Variants in LURAP1L observed in about 807,000 individuals in gnomAD.
The protein encoded by LURAP1L is leucine rich adaptor protein 1 like.
Under a neutral mutation model 13.8 loss-of-function variants are expected in LURAP1L, and 12 were observed. That is an observed-to-expected ratio of 0.87 (90% CI 0.56 to 1.41). The LOEUF (loss-of-function observed/expected upper bound fraction) is 1.41. Ranked by LOEUF, LURAP1L falls within the 40% of genes most tolerant of loss-of-function variation. The pLI is 0.00. For synonymous variants in LURAP1L, 139 were observed against 119.2 expected, an observed-to-expected ratio of 1.17 and a Z score of -1.08; for missense variants, 375 against 292.9, an observed-to-expected ratio of 1.28 and a Z score of -2.04.
chr9:12,803,747 C>T (rs1819618600), intron 1 of LURAP1L, among the ~76,000 whole-genome samples: 1 of 152,154 alleles, frequency 6.6e-6, no homozygotes, highest in Non-Finnish European at 1.5e-5. Context: ...AGATCAAACA[C>T]TTTAATTGTT....
chr9:12,800,093 T>G (rs1394078405), intron 1 of LURAP1L, among the ~76,000 whole-genome samples: 1 of 152,112 alleles, frequency 6.6e-6, no homozygotes, highest in African/African-American at 2.4e-5. Context: ...ACAATATTAT[T>G]AACTATAGTC....
At position 12,821,424 on chromosome 9, in the gene LURAP1L, G is replaced by A. The variant is rs752722853; in HGVS notation, c.351G>A (p.Gln117=). ...LRATDVRLMR[Q]LLVINESIES... is the part of the protein sequence containing the mutation. ...CCACAGACGTCAGGCTCATGCGCCAGTTGCTTGTAATCAATGAGAGCATCG... is the reference window on the plus strand; with the variant it reads ...CCACAGACGTCAGGCTCATGCGCCAATTGCTTGTAATCAATGAGAGCATCG... The change falls in exon 2 of 2, where the codon CAG becomes CAA. Residue 117 remains glutamine, a synonymous_variant. Coordinates refer to ENST00000319264, the MANE Select transcript of LURAP1L (RefSeq NM_203403.2). 1 of 1,614,142 alleles carries A rather than the reference G, an allele frequency of 6.2e-7. No individual in the cohort carries two copies. The highest frequency in any genetic ancestry group is 8.5e-7 in the Non-Finnish European group (1 of 1,180,012).
chr9:12,821,316 C>A lies in LURAP1L; in HGVS notation c.313-70C>A. ...AAATTCTGAACTGCAGCAGACAGTC[C>A]CCAGATGAATTTGAGGCCTTTCGAG... On this transcript the variant is annotated intron_variant, in intron 1 of 1. Coordinates refer to ENST00000319264, the MANE Select transcript of LURAP1L (RefSeq NM_203403.2). 2.0e-6 allele frequency: 3 copies of A among 1,501,634 alleles called. No individual in the cohort carries two copies. The South Asian group carries it at 3.9e-5, about 19-fold the overall frequency. The allele number at this position is 1,501,634 out of a possible 1,614,324, so 93.0% of individuals were successfully genotyped here. A position where few individuals can be genotyped will look rare whatever the true frequency, so the allele number is the denominator to read the frequency against.
chr9:12,820,480 A>G lies in LURAP1L; in HGVS notation c.313-906A>G, dbSNP rs539749546. ...ATTCCGCCACTGCACTCCAGCCTGG[A>G]CGACAGATCGAGACTCCGTCCCCCC... On this transcript the variant is annotated intron_variant, in intron 1 of 1. Coordinates refer to ENST00000319264, the MANE Select transcript of LURAP1L (RefSeq NM_203403.2). 1.4e-4 allele frequency among the ~76,000 whole-genome samples: 18 copies of G among 126,286 alleles called. 1 individual carries two copies. Among genetic ancestry groups the G allele is most frequent in the East Asian group, 1.3e-3 (5 of 3,926 alleles). 82.8% of individuals were successfully genotyped at this position (126,286 alleles called of 152,430 possible). A position where few individuals can be genotyped will look rare whatever the true frequency, so the allele number is the denominator to read the frequency against.
At chr9:12,810,514 C>G (rs1017513845) in intron 1 of LURAP1L, among the ~76,000 whole-genome samples, 1 of 152,114 alleles carries the variant, frequency 6.6e-6, no homozygotes, top group African/African-American at 2.4e-5. Context: ...TAGCCCTTCA[C>G]ATATCAGACT....
intron 1 of LURAP1L, among the ~76,000 whole-genome samples, chr9:12,779,722 T>C (rs1563885296): frequency 6.6e-6 from 1 of 152,204 alleles, no homozygotes; most frequent in African/African-American, 2.4e-5. Flanking sequence ...CTGTCACTTC[T>C]TACACTTTAG....
chr9:12,808,338 A>G (rs1375474686), intron 1 of LURAP1L, among the ~76,000 whole-genome samples: 4 of 152,102 alleles, frequency 2.6e-5, no homozygotes, highest in Non-Finnish European at 5.9e-5. Flanking sequence ...AATTGTGGCA[A>G]AATATATATA....
intron 1 of LURAP1L, among the ~76,000 whole-genome samples, chr9:12,800,834 C>A (rs947686020): frequency 4.6e-5 from 7 of 152,044 alleles, no homozygotes; most frequent in African/African-American, 1.7e-4. Flanking sequence ...AATAAATTAC[C>A]CCGTCTCAGG....
intron 1 of LURAP1L, among the ~76,000 whole-genome samples, chr9:12,776,600 T>A (rs1039622634): frequency 1.3e-5 from 2 of 152,076 alleles, no homozygotes; most frequent in African/African-American, 4.8e-5. Context: ...GTCGAGCAGA[T>A]TCTCCACAGC....
chr9:12,792,474 A>C (rs1191717049), intron 1 of LURAP1L, among the ~76,000 whole-genome samples: 1 of 152,156 alleles, frequency 6.6e-6, no homozygotes, highest in Non-Finnish European at 1.5e-5. Flanking sequence ...CAATGATTAA[A>C]TAATGAATGT....
intron 1 of LURAP1L, among the ~76,000 whole-genome samples, chr9:12,820,510 C>CCA (rs1819861194): frequency 1.1e-5 from 1 of 87,718 alleles, no homozygotes; most frequent in Non-Finnish European, 2.9e-5. Flanking sequence ...CCCCCCCCCC[C>CCA]CCCCAAAAAA....
chr9:12,814,821 G>A (rs969718819), intron 1 of LURAP1L, among the ~76,000 whole-genome samples: 3 of 152,112 alleles, frequency 2.0e-5, no homozygotes, highest in Non-Finnish European at 2.9e-5. Flanking sequence ...GGAAAAGAGT[G>A]AACTGTTTCA....
intron 1 of LURAP1L, among the ~76,000 whole-genome samples, chr9:12,779,224 G>T (rs889856103): frequency 1.5e-5 from 2 of 136,352 alleles, no homozygotes; most frequent in African/African-American, 2.7e-5. Flanking sequence ...CACGGTGCTA[G>T]TTAAACATTT....
At chr9:12,805,589 A>T (rs2118523751) in intron 1 of LURAP1L, among the ~76,000 whole-genome samples, 1 of 152,320 alleles carries the variant, frequency 6.6e-6, no homozygotes, top group East Asian at 1.9e-4. Flanking sequence ...CACACAAAAA[A>T]TATGGAACAA....
chr9:12,805,501 GAC>G (rs560868675), intron 1 of LURAP1L, among the ~76,000 whole-genome samples: 267 of 152,150 alleles, frequency 1.8e-3, no homozygotes, highest in Non-Finnish European at 2.8e-3. Context: ...TCAAGCAAAA[GAC>G]ACACAGTCTC....
Position 12,821,937 on chromosome 9 carries a change from A to G in LURAP1L, c.*177A>G. ...TAATACTTCTCATCTGAGCTGATTT[A>G]TTTTTCTCTGTTACATCTCTATTTT... On this transcript the variant is annotated 3_prime_UTR_variant, in exon 2 of 2. Transcript: ENST00000319264. 1.6e-6 allele frequency: 1 copy of G among 623,726 alleles called. No individual in the cohort carries two copies. Among genetic ancestry groups the G allele is most frequent in the Non-Finnish European group, 2.6e-6 (1 of 385,136 alleles). The allele number at this position is 623,726 out of a possible 1,614,324, so 38.6% of individuals were successfully genotyped here.
In LURAP1L at chr9:12,775,795, C is replaced by G. The variant is rs780453238; in HGVS notation, c.80C>G (p.Ser27Cys). Reference protein sequence around the residue: ...GRKVPESLVRSLRGEEPVPRE... With the variant: ...GRKVPESLVRCLRGEEPVPRE... ...AAAGTACCCGAGAGTCTAGTGCGCT[C>G]TCTCCGTGGGGAGGAGCCGGTTCCC... Residue 27 changes from serine to cysteine, a missense_variant, in exon 1 of 2, where the codon TCT (serine) becomes TGT (cysteine). Ser to Cys is a moderately radical substitution (Grantham distance 112). Coordinates refer to ENST00000319264, the MANE Select transcript of LURAP1L (RefSeq NM_203403.2). The G allele has an allele frequency of 2.2e-5, 35 of 1,610,098 alleles. No homozygotes were observed. The highest frequency in any genetic ancestry group is 2.8e-5 in the Non-Finnish European group (33 of 1,178,818).
chr9:12,786,364 G>C (rs996542256), intron 1 of LURAP1L, among the ~76,000 whole-genome samples: 1 of 151,092 alleles, frequency 6.6e-6, no homozygotes, highest in African/African-American at 2.4e-5. Flanking sequence ...AGCAGCTTCT[G>C]TTTACAGAGA....
rs145802745 is a variant in LURAP1L, at chr9:12,821,701, G to A, written c.628G>A (p.Asp210Asn). Reference protein sequence around the residue: ...DQFSDSSLIEDSQALHKRPKL... With the variant: ...DQFSDSSLIENSQALHKRPKL... ...ATTCAGTGACAGCTCCCTCATAGAGGACTCACAGGCACTACACAAGCGTCC... is the reference window on the plus strand; with the variant it reads ...ATTCAGTGACAGCTCCCTCATAGAGAACTCACAGGCACTACACAAGCGTCC... Residue 210 changes from aspartate to asparagine, a missense_variant, in exon 2 of 2, where the codon GAC becomes AAC. Physicochemically the swap from Asp to Asn is conservative, Grantham distance 23 (BLOSUM62 1). Coordinates refer to ENST00000319264, the MANE Select transcript of LURAP1L (RefSeq NM_203403.2). 1,691 of 1,614,162 alleles carry A rather than the reference G, an allele frequency of 1.0e-3. 17 individuals are homozygous for A. In the African/African-American group the frequency reaches 0.02, roughly 19 times the overall value.
Sources: gnomAD v4.1 joint callset for allele counts (sites outside exome capture counted in the v4.1 genomes callset) on GRCh38, gnomAD v4.1.1 for gene constraint, MANE v1.5 for transcripts, NCBI Gene and HGNC (gene_info 2026-07-23, HGNC 2026-07-21) for gene names.